DAB1: variants seen among roughly 807,000 people sequenced by gnomAD.
The protein encoded by DAB1 is DAB adaptor protein 1.
In DAB1, 15 loss-of-function variants were observed where a neutral mutation model predicts 64.6. That is an observed-to-expected ratio of 0.23 (90% CI 0.16 to 0.36). DAB1 has a LOEUF of 0.36. Among genes scored for constraint, DAB1 ranks in the 10% least tolerant of loss-of-function variants. The probability of loss-of-function intolerance (pLI) is 1.00; values close to 1 mark genes in which losing one functional copy is unlikely to be tolerated. For synonymous variants in DAB1, 235 were observed against 251.9 expected (o/e 0.93, Z 0.64); for missense variants, 596 against 706.7 (o/e 0.84, Z 1.78).
chr1:57,738,187 G>C (rs1366047291), intron 6 of DAB1, among the ~76,000 whole-genome samples: 1 of 152,168 alleles, frequency 6.6e-6, no homozygotes, highest in East Asian at 1.9e-4. Flanking sequence ...TTTCTTAACT[G>C]TAGGTTTCTT....
chr1:57,038,385 G>A (rs1385427293), intron 9 of DAB1, among the ~76,000 whole-genome samples: 1 of 152,066 alleles, frequency 6.6e-6, no homozygotes. Context: ...TGTTTCAAAT[G>A]GAAATCCATG....
At chr1:57,646,507 G>A (rs1467062738) in intron 7 of DAB1, among the ~76,000 whole-genome samples, 1 of 152,118 alleles carries the variant, frequency 6.6e-6, no homozygotes, top group Admixed American at 6.5e-5. Context: ...CAGCACTTTG[G>A]GAGACTGAGA....
intron 6 of DAB1, among the ~76,000 whole-genome samples, chr1:57,782,988 TCCCTC>T (rs1650171890): frequency 3.8e-5 from 3 of 79,616 alleles, no homozygotes; most frequent in African/African-American, 1.5e-4. Flanking sequence ...CCTCCCTCCC[TCCCTC>T]CCTCCTTCCT....
chr1:57,028,661 G>C (rs984819196), intron 9 of DAB1, among the ~76,000 whole-genome samples: 2 of 152,206 alleles, frequency 1.3e-5, no homozygotes, highest in Non-Finnish European at 2.9e-5. Context: ...GGTGGTCTCA[G>C]ATAGAGATGA....
intron 2 of DAB1, among the ~76,000 whole-genome samples, chr1:57,159,707 A>T (rs1660556320): frequency 6.6e-6 from 1 of 152,062 alleles, no homozygotes; most frequent in Admixed American, 6.6e-5. Flanking sequence ...CCAAGTTTAA[A>T]TTTCAGTCAC....
chr1:57,781,118 CTCTCTCTCTATA>C (rs1650062523), intron 6 of DAB1, among the ~76,000 whole-genome samples: 7 of 54,528 alleles, frequency 1.3e-4, no homozygotes, highest in Non-Finnish European at 2.2e-4. Flanking sequence ...CTCTCTCTCT[CTCTCTCTCTATA>C]TATATATATA....
intron 7 of DAB1, among the ~76,000 whole-genome samples, chr1:57,546,737 T>C (rs184502583): frequency 1.3e-5 from 2 of 152,296 alleles, no homozygotes; most frequent in Admixed American, 1.3e-4. Context: ...TGAAGTGGGC[T>C]ACACCATCTA....
intron 9 of DAB1, among the ~76,000 whole-genome samples, chr1:57,058,277 G>A (rs1206689353): frequency 2.0e-5 from 3 of 152,186 alleles, no homozygotes; most frequent in Admixed American, 1.3e-4. Flanking sequence ...CAAAGTGGAA[G>A]AAGGGCCAGG....
At chr1:57,320,363 C>T (rs1371430260) in intron 1 of DAB1, among the ~76,000 whole-genome samples, 1 of 152,124 alleles carries the variant, frequency 6.6e-6, no homozygotes, top group African/African-American at 2.4e-5. Context: ...ACACTGGCAA[C>T]CAGATTTTTT....
intron 6 of DAB1, among the ~76,000 whole-genome samples, chr1:57,690,763 C>G (rs1646754395): frequency 2.6e-5 from 4 of 152,174 alleles, no homozygotes; most frequent in Admixed American, 2.6e-4. Context: ...TTCCCACCAA[C>G]AGTGTGTGAC....
At chr1:57,376,101 T>C (rs979639589) in intron 1 of DAB1, among the ~76,000 whole-genome samples, 4 of 152,226 alleles carry the variant, frequency 2.6e-5, no homozygotes, top group Admixed American at 1.3e-4. Flanking sequence ...CATTATGGCT[T>C]GCTCCACTGT....
chr1:58,226,779 G>A (rs1365201102), intron 4 of DAB1, among the ~76,000 whole-genome samples: 1 of 152,172 alleles, frequency 6.6e-6, no homozygotes, highest in African/African-American at 2.4e-5. Context: ...TCAGGGAGGT[G>A]AAATAGCTTA....
intron 4 of DAB1, among the ~76,000 whole-genome samples, chr1:58,246,893 G>C (rs1660562879): frequency 6.6e-6 from 1 of 151,894 alleles, no homozygotes; most frequent in Non-Finnish European, 1.5e-5. Context: ...TGTGAGGGTA[G>C]TGTGTGTGTA....
intron 7 of DAB1, among the ~76,000 whole-genome samples, chr1:57,612,337 G>T (rs2101603723): frequency 6.6e-6 from 1 of 152,192 alleles, no homozygotes; most frequent in Middle Eastern, 3.4e-3. Flanking sequence ...CTGTGATTAT[G>T]TTACCTTACA....
intron 4 of DAB1, among the ~76,000 whole-genome samples, chr1:58,269,597 C>T (rs1446522161): frequency 1.4e-5 from 1 of 70,776 alleles, no homozygotes; most frequent in African/African-American, 5.0e-5. Context: ...GGAATCGCCA[C>T]ACTGACTTCC....
intron 7 of DAB1, among the ~76,000 whole-genome samples, chr1:57,464,951 C>T (rs796187709): frequency 2.0e-5 from 3 of 152,066 alleles, no homozygotes; most frequent in African/African-American, 7.2e-5. Context: ...TTAACAGCTC[C>T]ATCTCCTTTT....
intron 4 of DAB1, among the ~76,000 whole-genome samples, chr1:58,321,102 C>T (rs1229092834): frequency 6.6e-6 from 1 of 152,228 alleles, no homozygotes; most frequent in Non-Finnish European, 1.5e-5. Context: ...TTACTGATCT[C>T]TGAGTCACCT....
intron 7 of DAB1, among the ~76,000 whole-genome samples, chr1:57,550,463 T>G (rs1012722244): frequency 5.3e-5 from 8 of 152,118 alleles, no homozygotes; most frequent in Non-Finnish European, 1.2e-4. Context: ...TACACTCCCC[T>G]CTACTGAGTA....
At chr1:57,114,419 C>T (rs747791558) in intron 4 of DAB1, among the ~76,000 whole-genome samples, 36 of 152,012 alleles carry the variant, frequency 2.4e-4, no homozygotes, top group Non-Finnish European at 4.3e-4. Context: ...CAGTATCAAC[C>T]GGAAAAGCTT....
Sources: gnomAD v4.1 joint callset for allele counts (sites outside exome capture counted in the v4.1 genomes callset) on GRCh38, gnomAD v4.1.1 for gene constraint, MANE v1.5 for transcripts, NCBI Gene and HGNC (gene_info 2026-07-23, HGNC 2026-07-21) for gene names.